The following ERMAP variants were observed in gnomAD, a reference collection of about 807,000 sequenced individuals.
The protein encoded by ERMAP is erythroid membrane-associated protein.
In ERMAP, 34 loss-of-function variants were observed where a neutral mutation model predicts 49.5. The observed-to-expected ratio is 0.69, with a 90% CI of 0.52 to 0.91. The LOEUF (loss-of-function observed/expected upper bound fraction) is 0.91, where lower values mean the gene tolerates loss of function less well. Among genes scored for constraint, ERMAP ranks in the 40% least tolerant of loss-of-function variants. ERMAP has a pLI of 0.00. For missense variants in ERMAP, 541 were observed against 582.6 expected (o/e 0.93, Z 0.74); for synonymous variants, 214 against 232.2 (o/e 0.92, Z 0.71).
intron 1 of ERMAP, among the ~76,000 whole-genome samples, chr1:42,818,794 G>A (rs7532879): frequency 1 from 151,796 of 152,332 alleles, 75,636 homozygotes; most frequent in Middle Eastern, 1. Context: ...TACAGTAAAC[G>A]TTTATACTTT....
intron 7 of ERMAP, 98 bp from the exon 8 acceptor site, chr1:42,838,803 T>C (rs1430477690): frequency 6.4e-7 from 1 of 1,574,720 alleles, no homozygotes; most frequent in African/African-American, 1.3e-5. Flanking sequence ...GTCACCATCA[T>C]TTTAATCTTG....
chr1:42,840,085 C>T lies in ERMAP; in HGVS notation c.658+32C>T, dbSNP rs755542780. 5 of 1,614,098 alleles carry T rather than the reference C, an allele frequency of 3.1e-6. No individual in the cohort carries two copies. The East Asian group carries it at 6.7e-5, about 22-fold the overall frequency. On this transcript the variant is annotated intron_variant, in intron 9 of 11. Coordinates refer to ENST00000372517, the MANE Select transcript of ERMAP (RefSeq NM_001017922.2). ...TTCCCATGTTCTTGTAACTTCCGTA[C>T]CAACTTATCTCCTGTTGCCCTAATA...
chr1:42,817,300 A>C, intron 1 of ERMAP, 47 bp downstream of exon 1: 1 of 1,194,610 alleles, frequency 8.4e-7, no homozygotes, highest in Non-Finnish European at 1.1e-6. Flanking sequence ...CTGCCTGCCC[A>C]CCGCCCCTCG....
Position 42,842,705 on chromosome 1 carries a change from G to A in ERMAP, c.901G>A (p.Asp301Asn). ...CCACTACTGGGAGGTGTATGTGGGA[G>A]ACAAGACCAAATGGATTCTTGGAGT... ...GCHYWEVYVG[D>N]KTKWILGVCS... Residue 301 changes from aspartate (D) to asparagine (N), a missense_variant, in exon 12 of 12, where the codon GAC (aspartate) becomes AAC (asparagine). Asp to Asn is a conservative substitution (Grantham distance 23). Coordinates refer to ENST00000372517, the MANE Select transcript of ERMAP (RefSeq NM_001017922.2). 1 of 1,614,198 alleles carries A rather than the reference G, an allele frequency of 6.2e-7. No homozygotes were observed.
intron 4 of ERMAP, chr1:42,834,535 A>C: frequency 3.5e-6 from 1 of 283,124 alleles, no homozygotes. Context: ...AGAGAGGAAC[A>C]TCTCAGTTTT....
intron 2 of ERMAP, among the ~76,000 whole-genome samples, chr1:42,828,496 A>C (rs997356855): frequency 3.3e-5 from 5 of 150,954 alleles, no homozygotes; most frequent in African/African-American, 7.3e-5. Flanking sequence ...TTTTTTAAAA[A>C]AATTTTTTTT....
chr1:42,839,067 A>G, intron 8 of ERMAP, 146 bp downstream of exon 8: 3 of 1,197,698 alleles, frequency 2.5e-6, no homozygotes, highest in Non-Finnish European at 3.7e-6. Flanking sequence ...TTGGCTCTCA[A>G]AGGCCTCTTT....
intron 4 of ERMAP, among the ~76,000 whole-genome samples, chr1:42,831,735 C>T (rs1654748204): frequency 6.6e-6 from 1 of 151,756 alleles, no homozygotes; most frequent in Non-Finnish European, 1.5e-5. Context: ...ACATACACTA[C>T]CATGTCTGGT....
rs1328868102 is a variant in ERMAP at position 42,819,915 on chromosome 1, C to T, written c.-122+2662C>T. 2.0e-5 allele frequency among the ~76,000 whole-genome samples: 3 copies of T among 152,180 alleles called. No homozygotes were observed. Among genetic ancestry groups the T allele is most frequent in the Admixed American group, 6.5e-5 (1 of 15,272 alleles). On this transcript the variant is annotated intron_variant, in intron 1 of 11. Transcript: ENST00000372517. The surrounding 1 kb of genome is among the most constrained non-coding windows in gnomAD (Gnocchi z 5.1). ...CTTCTTGTTTCTCCTGTGCCAAATC[C>T]CCTGCTCTCTGGATCTTATGTTTTT...
chr1:42,839,792 A>AT, intron 8 of ERMAP: 1 of 582,270 alleles, frequency 1.7e-6, no homozygotes, highest in Non-Finnish European at 3.1e-6. Flanking sequence ...TGTGTTATTT[A>AT]TTTAGCCTGC....
At chr1:42,840,776 C>T (rs920230067) in intron 11 of ERMAP, among the ~76,000 whole-genome samples, 1 of 152,124 alleles carries the variant, frequency 6.6e-6, no homozygotes, top group Non-Finnish European at 1.5e-5. Flanking sequence ...TCATCTTTTT[C>T]TGTGTAGTCT....
chr1:42,834,636 A>T (rs1654840852), intron 4 of ERMAP: 2 of 244,566 alleles, frequency 8.2e-6, no homozygotes, highest in Non-Finnish European at 1.6e-5. Context: ...GCTCACTGCA[A>T]CCTCTGCCTC....
chr1:42,835,170 G>A lies in ERMAP; in HGVS notation c.550+16G>A. The stretch of plus-strand genomic sequence containing the variant: ...AGAGCAAAAGGTAATTAAATGGTAA[G>A]GGAGCTCAGGCTGGTGGGAAGTGGG... On this transcript the variant is annotated intron_variant, in intron 5 of 11. Coordinates refer to ENST00000372517, the MANE Select transcript of ERMAP (RefSeq NM_001017922.2). 9.5e-7 allele frequency: 1 copy of A among 1,050,988 alleles called. No homozygotes were observed. Among genetic ancestry groups the A allele is most frequent in the Non-Finnish European group, 1.5e-6 (1 of 665,198 alleles). The allele number at this position is 1,050,988 out of a possible 1,614,324, so 65.1% of individuals were successfully genotyped here.
At chr1:42,822,220 C>G (rs1432787291) in intron 1 of ERMAP, among the ~76,000 whole-genome samples, 2 of 151,076 alleles carry the variant, frequency 1.3e-5, no homozygotes, top group African/African-American at 4.9e-5. Flanking sequence ...GTCTCACTCT[C>G]TCGCCCAGGC....
intron 1 of ERMAP, chr1:42,817,611 T>G (rs1462989249): frequency 6.5e-6 from 1 of 154,384 alleles, no homozygotes; most frequent in African/African-American, 2.4e-5. Context: ...CTCAATTTCT[T>G]AATTCGAAAA....
rs1164364645 is a variant in ERMAP, at chr1:42,819,304, T to G, written c.-122+2051T>G. The stretch of plus-strand genomic sequence containing the variant: ...ATTGTCCAGTGAGCAATTAGAAGAT[T>G]TCAGAAAAGAACGGAACTGGAGATA... On this transcript the variant is annotated intron_variant, in intron 1 of 11. Coordinates refer to ENST00000372517, the MANE Select transcript of ERMAP (RefSeq NM_001017922.2). The surrounding 1 kb of genome is among the most constrained non-coding windows in gnomAD (Gnocchi z 5.1). Among the ~76,000 whole-genome samples, 1 of 151,966 alleles carries G rather than the reference T, an allele frequency of 6.6e-6. No individual in the cohort carries two copies. The highest frequency in any genetic ancestry group is 1.9e-4 in the East Asian group (1 of 5,174).
chr1:42,842,424 T>C, intron 11 of ERMAP, 93 bp from the exon 12 acceptor site: 9 of 1,134,698 alleles, frequency 7.9e-6, no homozygotes, highest in South Asian at 3.1e-5. Context: ...ATGACAGTGA[T>C]GGCAGACCTA....
Position 42,843,221 on chromosome 1 carries a change from CCTT to C in ERMAP, c.1421_1423del (p.Ser474del). 1 of 1,581,558 alleles carries C rather than the reference CCTT, an allele frequency of 6.3e-7. No individual in the cohort carries two copies. The highest frequency in any genetic ancestry group is 8.6e-7 in the Non-Finnish European group (1 of 1,166,818). On this transcript the variant is annotated inframe_deletion, in exon 12 of 12. Coordinates refer to ENST00000372517, the MANE Select transcript of ERMAP (RefSeq NM_001017922.2). ...CCCAGCCCTTCAGGAGCTCAAGGCT[CCTT>C]CTTTTTAGGGATATGCCACATTACC...
chr1:42,821,424 T>C (rs1654403433), intron 1 of ERMAP, among the ~76,000 whole-genome samples: 1 of 152,206 alleles, frequency 6.6e-6, no homozygotes, highest in South Asian at 2.1e-4. Context: ...TCTGTATCTG[T>C]TTTTCTCACT....
Sources: gnomAD v4.1 joint callset for allele counts (sites outside exome capture counted in the v4.1 genomes callset) on GRCh38, gnomAD v4.1.1 for gene constraint, Gnocchi (gnomAD v3.1) non-coding constraint, MANE v1.5 for transcripts, NCBI Gene and HGNC (gene_info 2026-07-23, HGNC 2026-07-21) for gene names.